WWC1: variants seen among roughly 807,000 people sequenced by gnomAD.
The protein encoded by WWC1 is protein KIBRA.
In WWC1, 55 loss-of-function variants were observed where a neutral mutation model predicts 138.4. That is an observed-to-expected ratio of 0.40 (90% CI 0.32 to 0.50). WWC1 has a LOEUF of 0.50. Among genes scored for constraint, WWC1 ranks in the 20% least tolerant of loss-of-function variants. The pLI is 0.72. For missense variants in WWC1, 1,226 were observed against 1,420.4 expected (o/e 0.86, Z 2.20); for synonymous variants, 524 against 564.9 (o/e 0.93, Z 1.03).
chr5:168,346,771 T>C lies in WWC1; in HGVS notation c.120-24653T>C, dbSNP rs541202526. Among the ~76,000 whole-genome samples the C allele has an allele frequency of 3.3e-5, 5 of 152,326 alleles. 1 individual carries two copies. The South Asian group carries it at 1.0e-3, about 32-fold the overall frequency. ...AAGTTGGTGGTGGCTTAGAAATGAT[T>C]GACAGACATGTCTTATTTTTTAATG... On this transcript the variant is annotated intron_variant, in intron 1 of 22. Transcript: ENST00000265293.
intron 2 of WWC1, among the ~76,000 whole-genome samples, chr5:168,373,149 G>A (rs1471364771): frequency 6.6e-6 from 1 of 152,186 alleles, no homozygotes; most frequent in African/African-American, 2.4e-5. Context: ...TGCATGGGAT[G>A]CTGGGTTAAA....
chr5:168,431,751 C>T (rs557865724), intron 15 of WWC1, among the ~76,000 whole-genome samples: 1 of 152,260 alleles, frequency 6.6e-6, no homozygotes, highest in South Asian at 2.1e-4. Flanking sequence ...TGCAGCTTTA[C>T]TATACAGCAT....
chr5:168,388,289 GT>G (rs144060397), intron 3 of WWC1, among the ~76,000 whole-genome samples: 8 of 149,984 alleles, frequency 5.3e-5, no homozygotes, highest in African/African-American at 9.8e-5. Context: ...ATTAGACTAG[GT>G]TTTTTTTTTA....
At chr5:168,463,392 C>T (rs1464929506) in intron 20 of WWC1, among the ~76,000 whole-genome samples, 1 of 152,168 alleles carries the variant, frequency 6.6e-6, no homozygotes, top group East Asian at 1.9e-4. Flanking sequence ...ACTTTCAGCT[C>T]CTAGAGGTCA....
chr5:168,356,641 C>T (rs924393211), intron 1 of WWC1, among the ~76,000 whole-genome samples: 2 of 152,178 alleles, frequency 1.3e-5, no homozygotes, highest in Non-Finnish European at 1.5e-5. Flanking sequence ...CCAGGACTTT[C>T]GAGTAGAGCT....
intron 1 of WWC1, among the ~76,000 whole-genome samples, chr5:168,366,070 G>T (rs1481530500): frequency 6.6e-6 from 1 of 152,204 alleles, no homozygotes; most frequent in Non-Finnish European, 1.5e-5. Flanking sequence ...CTTAGCACTT[G>T]CCCAAGGTGA....
intron 19 of WWC1, among the ~76,000 whole-genome samples, chr5:168,456,394 A>T (rs1756326396): frequency 6.6e-6 from 1 of 152,148 alleles, no homozygotes; most frequent in Admixed American, 6.5e-5. Context: ...GCACTTTGGG[A>T]GGCTGAGGTG....
At chr5:168,421,914 A>G in intron 9 of WWC1, 94 bp from the exon 10 acceptor site, 2 of 1,037,318 alleles carry the variant, frequency 1.9e-6, no homozygotes, top group South Asian at 1.3e-5. Flanking sequence ...CTTTACGGAA[A>G]GTTCTTGTGC....
At chr5:168,414,283 A>T (rs1366374043) in intron 8 of WWC1, 65 bp from the exon 9 acceptor site, 1 of 1,567,248 alleles carries the variant, frequency 6.4e-7, no homozygotes, top group African/African-American at 1.4e-5. Flanking sequence ...CTGTTTCTTC[A>T]TGGCATCTCC....
chr5:168,302,883 A>G (rs746904662), intron 1 of WWC1, among the ~76,000 whole-genome samples: 4 of 152,188 alleles, frequency 2.6e-5, no homozygotes, highest in African/African-American at 4.8e-5. Flanking sequence ...TTACTTTCAA[A>G]TGCAGTGTTT....
intron 20 of WWC1, 33 bp downstream of exon 20, chr5:168,460,775 C>G (rs775118995): frequency 1.9e-6 from 3 of 1,607,328 alleles, no homozygotes; most frequent in Non-Finnish European, 2.6e-6. Flanking sequence ...ATTTTTCTGC[C>G]TGCTCCTCCC....
At position 168,414,538 on chromosome 5, in the gene WWC1, G is replaced by GAA. The variant is rs1427948811; in HGVS notation, c.1135_1136dup (p.Asp380ArgfsTer14). ...GCTGGAGATGGCCCGGAAGCGGCTG[G>GAA]AAAAGGACCTGCAGGCAGCCCGGGA... is the stretch of plus-strand genomic sequence containing the variant. On this transcript the variant is annotated frameshift_variant, in exon 9 of 23. Coordinates refer to ENST00000265293, the MANE Select transcript of WWC1 (RefSeq NM_015238.3). LOFTEE classifies it high-confidence loss of function. The GAA allele has an allele frequency of 6.4e-7, 1 of 1,554,932 alleles. No individual in the cohort carries two copies. The highest frequency in any genetic ancestry group is 1.4e-5 in the African/African-American group (1 of 73,420).
In WWC1 at chr5:168,400,999, AAAAG is replaced by A. The variant is rs566129647; in HGVS notation, c.590+1437_590+1440del. On this transcript the variant is annotated intron_variant, in intron 5 of 22. Transcript: ENST00000265293. The stretch of plus-strand genomic sequence containing the variant: ...CCCTCTCTCCAAAGAAAGAAAGAAA[AAAAG>A]AAAGGAAGGAAGGAGAGAGGAAGAA... Among the ~76,000 whole-genome samples, 865 of 151,856 alleles carry A rather than the reference AAAAG, an allele frequency of 5.7e-3. 9 individuals carry two copies. The highest frequency in any genetic ancestry group is 0.018 in the African/African-American group (759 of 41,388).
chr5:168,412,034 A>T (rs992302653), intron 8 of WWC1: 4 of 985,340 alleles, frequency 4.1e-6, no homozygotes, highest in Admixed American at 6.1e-5. Context: ...AAACAGCAAG[A>T]CATCTGTATT....
In WWC1 at chr5:168,464,973, C is replaced by T; in HGVS notation, c.3150+11C>T. The T allele has an allele frequency of 6.2e-7, 1 of 1,612,910 alleles. No individual in the cohort carries two copies. The highest frequency in any genetic ancestry group is 1.1e-5 in the South Asian group (1 of 90,988). On this transcript the variant is annotated intron_variant, in intron 21 of 22. Transcript: ENST00000265293. The stretch of plus-strand genomic sequence containing the variant: ...ATGCTGGAGAAGCGGGTGAGTTCTG[C>T]CTCGAAGGCAGGGGAGCCCTGCGCT...
At chr5:168,311,624 A>C (rs1771091526) in intron 1 of WWC1, among the ~76,000 whole-genome samples, 1 of 152,154 alleles carries the variant, frequency 6.6e-6, no homozygotes, top group African/African-American at 2.4e-5. Flanking sequence ...TAATCCCAGC[A>C]CTTTGGGAGG....
intron 8 of WWC1, among the ~76,000 whole-genome samples, chr5:168,410,552 A>T (rs1423430894): frequency 6.6e-6 from 1 of 152,186 alleles, no homozygotes; most frequent in Non-Finnish European, 1.5e-5. Context: ...AGGCCTAAAG[A>T]GATTTTTATT....
intron 9 of WWC1, among the ~76,000 whole-genome samples, chr5:168,417,786 T>C (rs1338090518): frequency 6.6e-6 from 1 of 152,232 alleles, no homozygotes; most frequent in Non-Finnish European, 1.5e-5. Flanking sequence ...GTAGGGAAAC[T>C]GGAGGGCATG....
chr5:168,413,321 T>C (rs1780362724), intron 8 of WWC1, among the ~76,000 whole-genome samples: 1 of 152,198 alleles, frequency 6.6e-6, no homozygotes, highest in Non-Finnish European at 1.5e-5. Context: ...GTCATGATTG[T>C]TGTTAGCTAT....
Sources: gnomAD v4.1 joint callset for allele counts (sites outside exome capture counted in the v4.1 genomes callset) on GRCh38, gnomAD v4.1.1 for gene constraint, MANE v1.5 for transcripts, NCBI Gene and HGNC (gene_info 2026-07-23, HGNC 2026-07-21) for gene names.